Variants in ROBO2 observed in about 807,000 individuals in gnomAD.
ROBO2 encodes the protein roundabout homolog 2.
ROBO2 carries 53 observed loss-of-function variants against 160.8 expected under a neutral mutation model. The observed-to-expected ratio is 0.33, with a 90% CI of 0.26 to 0.41. ROBO2 has a LOEUF of 0.41. ROBO2 is among the 10% of genes least tolerant of loss of function. The pLI is 1.00. For missense variants in ROBO2, 1,577 were observed against 1,722.4 expected, an observed-to-expected ratio of 0.92 and a Z score of 1.49; for synonymous variants, 664 against 611.7, an observed-to-expected ratio of 1.09 and a Z score of -1.26.
intron 2 of ROBO2, among the ~76,000 whole-genome samples, chr3:76,956,698 T>G (rs2079297707): frequency 4.0e-5 from 6 of 151,846 alleles, no homozygotes. Context: ...TGAAGATAGA[T>G]GTGCACCTGC....
intron 2 of ROBO2, among the ~76,000 whole-genome samples, chr3:76,549,154 T>C (rs2083276637): frequency 6.6e-6 from 1 of 152,164 alleles, no homozygotes; most frequent in African/African-American, 2.4e-5. Context: ...AATTAGAACA[T>C]TCATAATGCC....
chr3:76,774,914 G>A (rs536837975), intron 2 of ROBO2, among the ~76,000 whole-genome samples: 1 of 150,302 alleles, frequency 6.7e-6, no homozygotes, highest in South Asian at 2.1e-4. Context: ...AAGCTGGCAC[G>A]AAGGCTCAAA....
At chr3:77,633,951 TATC>T (rs1259662472) in intron 23 of ROBO2, 2 of 152,208 alleles carry the variant, frequency 1.3e-5, no homozygotes, top group Non-Finnish European at 2.9e-5. Context: ...CATTAAGTAA[TATC>T]ATATCACGTC....
intron 2 of ROBO2, among the ~76,000 whole-genome samples, chr3:76,467,219 T>C (rs1227075703): frequency 1.3e-5 from 2 of 152,116 alleles, no homozygotes; most frequent in Non-Finnish European, 2.9e-5. Flanking sequence ...ACTTGTCCTT[T>C]ATTTTTGAAA....
At chr3:76,487,392 A>G (rs551262063) in intron 2 of ROBO2, among the ~76,000 whole-genome samples, 6 of 152,234 alleles carry the variant, frequency 3.9e-5, no homozygotes, top group African/African-American at 1.4e-4. Flanking sequence ...TAAAAATGTA[A>G]AAAAATGGAA....
intron 2 of ROBO2, among the ~76,000 whole-genome samples, chr3:76,414,660 A>G (rs1204373042): frequency 6.7e-6 from 1 of 150,084 alleles, no homozygotes; most frequent in African/African-American, 2.4e-5. Flanking sequence ...AGATATACCT[A>G]ATGCTAGATG....
At chr3:77,022,377 G>A (rs2062692504) in intron 2 of ROBO2, among the ~76,000 whole-genome samples, 1 of 152,060 alleles carries the variant, frequency 6.6e-6, no homozygotes, top group African/African-American at 2.4e-5. Flanking sequence ...CTCAAAACAA[G>A]CAAACAAACA....
chr3:77,066,216 T>C (rs1476411095), intron 1 of ROBO2, among the ~76,000 whole-genome samples: 1 of 152,156 alleles, frequency 6.6e-6, no homozygotes, highest in Non-Finnish European at 1.5e-5. Flanking sequence ...AGAGGCCACT[T>C]CCTTGTCTTA....
intron 2 of ROBO2, among the ~76,000 whole-genome samples, chr3:75,991,251 C>T (rs1243236155): frequency 6.6e-6 from 1 of 152,120 alleles, no homozygotes; most frequent in Non-Finnish European, 1.5e-5. Flanking sequence ...GGAAAAGATA[C>T]AAGATGACAG....
chr3:77,455,225 T>C (rs1163739736), intron 2 of ROBO2, among the ~76,000 whole-genome samples: 2 of 152,166 alleles, frequency 1.3e-5, no homozygotes, highest in Admixed American at 1.3e-4. Flanking sequence ...TTTTCATACC[T>C]TTGAGAAGGA....
chr3:77,163,256 A>G (rs2078657734), intron 2 of ROBO2, among the ~76,000 whole-genome samples: 1 of 152,260 alleles, frequency 6.6e-6, no homozygotes, highest in Non-Finnish European at 1.5e-5. Context: ...TAAAATGTAT[A>G]TAGTTAAAGG....
chr3:76,808,896 C>A (rs577352847), intron 2 of ROBO2, among the ~76,000 whole-genome samples: 2 of 152,100 alleles, frequency 1.3e-5, no homozygotes, highest in South Asian at 4.2e-4. Flanking sequence ...AATGATGGTA[C>A]AGGAAGGCAA....
chr3:76,983,449 G>T (rs546806871), intron 2 of ROBO2, among the ~76,000 whole-genome samples: 13 of 151,950 alleles, frequency 8.6e-5, no homozygotes, highest in Non-Finnish European at 1.8e-4. Flanking sequence ...CTAAATAAAG[G>T]AATAAAGTGA....
At chr3:76,647,468 G>A (rs535906407) in intron 2 of ROBO2, among the ~76,000 whole-genome samples, 23 of 152,232 alleles carry the variant, frequency 1.5e-4, no homozygotes, top group Admixed American at 2.6e-4. Flanking sequence ...AGTTGTGCCT[G>A]GGCTGAGAAA....
At chr3:77,215,770 C>A (rs2084851961) in intron 2 of ROBO2, among the ~76,000 whole-genome samples, 1 of 152,078 alleles carries the variant, frequency 6.6e-6, no homozygotes, top group Admixed American at 6.5e-5. Flanking sequence ...TGTGGATGTC[C>A]TTTCTGTTTG....
intron 2 of ROBO2, among the ~76,000 whole-genome samples, chr3:76,998,446 T>A (rs1289679292): frequency 1.3e-5 from 2 of 152,138 alleles, no homozygotes; most frequent in Admixed American, 6.6e-5. Flanking sequence ...ATTCACAATG[T>A]TTAACATACA....
At chr3:77,564,532 T>C in intron 11 of ROBO2, 1 of 452,144 alleles carries the variant, frequency 2.2e-6, no homozygotes, top group Non-Finnish European at 4.4e-6. Flanking sequence ...GGAAAATGTA[T>C]TGGCATAATT....
chr3:76,574,359 A>G (rs566106106), intron 2 of ROBO2, among the ~76,000 whole-genome samples: 67 of 152,262 alleles, frequency 4.4e-4, no homozygotes, highest in African/African-American at 1.5e-3. Context: ...TTGGAAAAAT[A>G]TCCTAAAAAG....
At chr3:76,218,440 A>G (rs903691110) in intron 2 of ROBO2, among the ~76,000 whole-genome samples, 14 of 152,200 alleles carry the variant, frequency 9.2e-5, no homozygotes, top group Non-Finnish European at 1.9e-4. Flanking sequence ...AAATCTCCTT[A>G]AGCTGATAAG....
Sources: gnomAD v4.1 joint callset for allele counts (sites outside exome capture counted in the v4.1 genomes callset) on GRCh38, gnomAD v4.1.1 for gene constraint, MANE v1.5 for transcripts, NCBI Gene and HGNC (gene_info 2026-07-23, HGNC 2026-07-21) for gene names.